Variants in FNTA observed in about 807,000 individuals in gnomAD.
The protein encoded by FNTA is farnesyltransferase, CAAX box, subunit alpha, also known as protein farnesyltransferase/geranylgeranyltransferase type-1 subunit alpha.
In FNTA, 27 loss-of-function variants were observed where a neutral mutation model predicts 55.2. The ratio of observed to expected loss-of-function variants is 0.49; its 90% CI spans 0.36 to 0.67. FNTA has a LOEUF of 0.67. Ranked by LOEUF, FNTA falls within the 30% of genes least tolerant of loss-of-function variation. FNTA has a pLI of 0.00. For missense variants in FNTA, 422 were observed against 464.7 expected, an observed-to-expected ratio of 0.91 and a Z score of 0.85; for synonymous variants, 176 against 170.7, an observed-to-expected ratio of 1.03 and a Z score of -0.24.
chr8:43,076,082 C>A (rs1363507082), intron 5 of FNTA, among the ~76,000 whole-genome samples: 1 of 151,780 alleles, frequency 6.6e-6, no homozygotes, highest in African/African-American at 2.4e-5. Context: ...CTTGCTCTGT[C>A]CCCCAGGCTT....
At chr8:43,083,740 G>A (rs1049937034) in intron 7 of FNTA, among the ~76,000 whole-genome samples, 6 of 152,174 alleles carry the variant, frequency 3.9e-5, no homozygotes, top group African/African-American at 7.2e-5. Flanking sequence ...GGAGGTGCCT[G>A]TAGTATTTGG....
At chr8:43,084,664 TCTTC>T (rs776817691) in intron 7 of FNTA, 42 bp from the exon 8 acceptor site, 35 of 1,486,076 alleles carry the variant, frequency 2.4e-5, no homozygotes, top group Non-Finnish European at 3.0e-5. Flanking sequence ...CTGCTTTTGT[TCTTC>T]CTTCACAAAA....
In FNTA at chr8:43,064,123, C is replaced by G; in HGVS notation, c.309C>G (p.Phe103Leu). ...SDKFRDVYDYFRAVLQRDERS... is the reference protein window; with the variant it reads ...SDKFRDVYDYLRAVLQRDERS... Reference sequence around the variant, plus strand: ...TAGTTAGAGATGTTTATGATTACTTCCGAGCTGTCCTGCAGCGTGATGAAA... The same window carrying G: ...TAGTTAGAGATGTTTATGATTACTTGCGAGCTGTCCTGCAGCGTGATGAAA... The change falls in exon 3 of 9, where the codon TTC (phenylalanine) becomes TTG (leucine). Residue 103 changes from phenylalanine to leucine, a missense_variant. Phe to Leu is a conservative substitution (Grantham distance 22). Transcript: ENST00000302279. 6.2e-7 allele frequency: 1 copy of G among 1,613,304 alleles called. No individual in the cohort carries two copies. Among genetic ancestry groups the G allele is most frequent in the African/African-American group, 1.3e-5 (1 of 75,018 alleles).
At chr8:43,070,938 AAT>A (rs1391495616) in intron 4 of FNTA, among the ~76,000 whole-genome samples, 13 of 152,362 alleles carry the variant, frequency 8.5e-5, no homozygotes, top group Admixed American at 8.5e-4. Flanking sequence ...AACCTGGAAA[AAT>A]AAAATCCAGC....
At chr8:43,085,103 G>A (rs1250839307) in intron 8 of FNTA, 57 bp from the exon 9 acceptor site, 3 of 1,391,010 alleles carry the variant, frequency 2.2e-6, no homozygotes, top group African/African-American at 2.9e-5. Context: ...TGGCTCAAAG[G>A]CATTTGCGCT....
Position 43,056,408 on chromosome 8 carries a change from AACCCCCGCCCCAGCCGCACCC to A in FNTA, c.66_86del (p.Pro26_Gln32del). ...GGGGGCGAGCCCGGGCAGCCGGCGC[AACCCCCGCCCCAGCCGCACCC>A]ACCGCCGCCCCAGCAGCAGCACAAG... On this transcript the variant is annotated inframe_deletion, in exon 1 of 9. Coordinates refer to ENST00000302279, the MANE Select transcript of FNTA (RefSeq NM_002027.3). 1 of 1,516,998 alleles carries A rather than the reference AACCCCCGCCCCAGCCGCACCC, an allele frequency of 6.6e-7. No individual in the cohort carries two copies. Among genetic ancestry groups the A allele is most frequent in the Non-Finnish European group, 8.8e-7 (1 of 1,135,454 alleles). 94.0% of individuals were successfully genotyped at this position (1,516,998 alleles called of 1,614,324 possible). A position where few individuals can be genotyped will look rare whatever the true frequency, so the allele number is the denominator to read the frequency against.
intron 5 of FNTA, among the ~76,000 whole-genome samples, chr8:43,074,767 A>T (rs1055567507): frequency 6.6e-6 from 1 of 152,212 alleles, no homozygotes; most frequent in Non-Finnish European, 1.5e-5. Context: ...AAAAGGGGGT[A>T]CAGCTATAAA....
chr8:43,072,730 T>TA (rs549753315), intron 5 of FNTA, among the ~76,000 whole-genome samples: 158 of 151,116 alleles, frequency 1.0e-3, no homozygotes, highest in Middle Eastern at 6.8e-3. Flanking sequence ...CTATCTATTT[T>TA]AAAAAAAAAC....
intron 3 of FNTA, among the ~76,000 whole-genome samples, chr8:43,068,964 A>T (rs866251479): frequency 1.3e-5 from 2 of 151,990 alleles, no homozygotes; most frequent in Non-Finnish European, 2.9e-5. Context: ...CACCTGCCTC[A>T]GCCTCTCAAA....
intron 1 of FNTA, among the ~76,000 whole-genome samples, chr8:43,058,526 C>CTT (rs962457644): frequency 1.3e-5 from 2 of 152,144 alleles, no homozygotes; most frequent in Non-Finnish European, 2.9e-5. Flanking sequence ...AATGCCAGCA[C>CTT]TTTGGGAGGC....
chr8:43,075,930 G>A (rs1024238994), intron 5 of FNTA, among the ~76,000 whole-genome samples: 1 of 150,784 alleles, frequency 6.6e-6, no homozygotes, highest in Non-Finnish European at 1.5e-5. Context: ...GTGCAGTGGT[G>A]CAGTCATAGC....
chr8:43,057,205 A>T (rs1810429451), intron 1 of FNTA: 1 of 152,196 alleles, frequency 6.6e-6, no homozygotes, highest in South Asian at 2.1e-4. Context: ...CTTTGCTGAC[A>T]CCCAGTTCCA....
At chr8:43,083,943 C>T (rs1586662869) in intron 7 of FNTA, among the ~76,000 whole-genome samples, 1 of 152,114 alleles carries the variant, frequency 6.6e-6, no homozygotes, top group East Asian at 1.9e-4. Flanking sequence ...CATGTTGGTG[C>T]ACACCTGTAA....
chr8:43,063,265 G>C (rs1810578677), intron 2 of FNTA: 1 of 455,828 alleles, frequency 2.2e-6, no homozygotes, highest in African/African-American at 2.0e-5. Context: ...ATTTTTTGTA[G>C]AGGCGGAGTT....
chr8:43,060,565 C>T (rs974420543), intron 2 of FNTA, among the ~76,000 whole-genome samples: 11 of 151,818 alleles, frequency 7.2e-5, no homozygotes, highest in African/African-American at 2.7e-4. Context: ...ATCCCAGCTA[C>T]TCAGGAGGCT....
intron 3 of FNTA, among the ~76,000 whole-genome samples, chr8:43,068,672 C>T (rs913446861): frequency 6.6e-6 from 1 of 152,282 alleles, no homozygotes; most frequent in Non-Finnish European, 1.5e-5. Context: ...ACTTAAGAAT[C>T]AGAAATTTAC....
At chr8:43,069,495 A>G (rs1810736773) in intron 3 of FNTA, 60 bp from the exon 4 acceptor site, 1 of 1,038,938 alleles carries the variant, frequency 9.6e-7, no homozygotes, top group South Asian at 1.3e-5. Flanking sequence ...TGTATTTGAT[A>G]TTGTTATTAG....
intron 6 of FNTA, chr8:43,081,337 A>G (rs902054023): frequency 1.3e-5 from 2 of 152,206 alleles, no homozygotes; most frequent in Non-Finnish European, 2.9e-5. Flanking sequence ...CTTTTCAGTT[A>G]ATGTGTCATG....
chr8:43,081,435 A>G (rs1811025669), intron 6 of FNTA: 1 of 152,216 alleles, frequency 6.6e-6, no homozygotes, highest in South Asian at 2.1e-4. Context: ...ACTAATTCTA[A>G]CAGCTCTGTG....
Sources: gnomAD v4.1 joint callset for allele counts (sites outside exome capture counted in the v4.1 genomes callset) on GRCh38, gnomAD v4.1.1 for gene constraint, MANE v1.5 for transcripts, NCBI Gene and HGNC (gene_info 2026-07-23, HGNC 2026-07-21) for gene names.